Variants in MACF1 observed in about 807,000 individuals in gnomAD.
The protein encoded by MACF1 is microtubule actin crosslinking factor 1, also known as microtubule-actin cross-linking factor 1.
A neutral mutation model predicts 854.8 loss-of-function variants in MACF1; 193 were observed. The ratio of observed to expected loss-of-function variants is 0.23; its 90% CI spans 0.20 to 0.25. The LOEUF (loss-of-function observed/expected upper bound fraction) is 0.25, where lower values mean the gene tolerates loss of function less well. Among genes scored for constraint, MACF1 ranks in the 10% least tolerant of loss-of-function variants. The pLI, the probability that MACF1 is intolerant of heterozygous loss-of-function variation, is 1.00. For synonymous variants in MACF1, 3,185 were observed against 3,226.7 expected (o/e 0.99, Z 0.44); for missense variants, 7,722 against 8,929.1 (o/e 0.86, Z 5.45).
chr1:39,111,294 C>T (rs1642396659), intron 2 of MACF1, among the ~76,000 whole-genome samples: 1 of 152,176 alleles, frequency 6.6e-6, no homozygotes, highest in Non-Finnish European at 1.5e-5. Flanking sequence ...CCCCCGGGCT[C>T]ACATGATCCT....
At chr1:39,137,493 G>A (rs1035393532) in intron 2 of MACF1, among the ~76,000 whole-genome samples, 2 of 152,142 alleles carry the variant, frequency 1.3e-5, no homozygotes, top group Non-Finnish European at 2.9e-5. Context: ...AGTTTCTCAA[G>A]TATCTGAGAC....
rs540569223 is a variant in MACF1 at position 39,403,056 on chromosome 1, G to T, written c.15816+14398G>T. 8.7e-5 allele frequency among the ~76,000 whole-genome samples: 13 copies of T among 148,940 alleles called. 1 individual carries two copies. The highest frequency in any genetic ancestry group is 2.0e-4 in the Admixed American group (3 of 15,042). ...TCTCTCTCTTTTGTTTTTTTTGTTT[G>T]GTTTGGTTTTTTTTTTGTTTGGTTG... On this transcript the variant is annotated intron_variant, in intron 58 of 100. Coordinates refer to ENST00000564288, the MANE Select transcript of MACF1 (RefSeq NM_001394062.1).
intron 99 of MACF1, 35 bp from the exon 100 acceptor site, chr1:39,484,566 A>C: frequency 6.3e-7 from 1 of 1,585,968 alleles, no homozygotes; most frequent in Non-Finnish European, 8.6e-7. Context: ...AGATTTTACC[A>C]AGTAAAATGT....
intron 42 of MACF1, 34 bp from the exon 43 acceptor site, chr1:39,350,751 G>A (rs775419320): frequency 2.2e-5 from 34 of 1,533,670 alleles, no homozygotes; most frequent in Admixed American, 1.2e-4. Flanking sequence ...CACTAAAGTC[G>A]AAGGCTCTGC....
chr1:39,226,703 G>A (rs767976096), intron 1 of MACF1, among the ~76,000 whole-genome samples: 1 of 152,182 alleles, frequency 6.6e-6, no homozygotes, highest in Non-Finnish European at 1.5e-5. Flanking sequence ...AAATGAGGCA[G>A]TGGACTAAAA....
chr1:39,347,531 A>G (rs1236805225), intron 41 of MACF1, among the ~76,000 whole-genome samples: 1 of 152,114 alleles, frequency 6.6e-6, no homozygotes, highest in Non-Finnish European at 1.5e-5. Flanking sequence ...TCATGTATCT[A>G]GTCCTTTCCC....
At chr1:39,291,537 A>C (rs1419847501) in intron 15 of MACF1, among the ~76,000 whole-genome samples, 1 of 152,234 alleles carries the variant, frequency 6.6e-6, no homozygotes, top group Non-Finnish European at 1.5e-5. Context: ...ATATTTTCAG[A>C]TACTTCTTTG....
intron 2 of MACF1, among the ~76,000 whole-genome samples, chr1:39,134,323 G>A (rs1557474583): frequency 2.0e-5 from 3 of 151,940 alleles, no homozygotes; most frequent in Admixed American, 6.6e-5. Flanking sequence ...TGGGATTACA[G>A]GCATGAGCTA....
chr1:39,129,374 A>C (rs75346237), intron 2 of MACF1, among the ~76,000 whole-genome samples: 12 of 152,312 alleles, frequency 7.9e-5, no homozygotes, highest in Non-Finnish European at 1.6e-4. Context: ...TAAATATTAA[A>C]GGCTGGCGTA....
chr1:39,162,875 A>G (rs1409435548), intron 2 of MACF1, among the ~76,000 whole-genome samples: 1 of 152,184 alleles, frequency 6.6e-6, no homozygotes, highest in Non-Finnish European at 1.5e-5. Context: ...CCTGGCACAT[A>G]GTAAGCATAA....
rs374530248 is a variant in MACF1 at position 39,388,265 on chromosome 1, G to A, written c.15423G>A (p.Glu5141=). ...CTCAATTGGCAGACCTGGATGATGA[G>A]CTAGATGGCATGGGTGCTATTGGCA... The part of the protein sequence containing the change: ...MFSQLADLDD[E]LDGMGAIGRD... The change falls in exon 58 of 101, where the codon GAG becomes GAA. Residue 5141 remains glutamate (E), a synonymous_variant. Coordinates refer to ENST00000564288, the MANE Select transcript of MACF1 (RefSeq NM_001394062.1). 5.6e-6 allele frequency: 9 copies of A among 1,614,082 alleles called. No homozygotes were observed. The African/African-American group carries it at 1.1e-4, about 19-fold the overall frequency.
chr1:39,126,803 CAAAA>C (rs1445527583), intron 2 of MACF1, among the ~76,000 whole-genome samples: 1 of 151,666 alleles, frequency 6.6e-6, no homozygotes, highest in African/African-American at 2.4e-5. Flanking sequence ...AAAAACCACA[CAAAA>C]AACAAACAAA....
At chr1:39,124,066 T>G (rs1201841228) in intron 2 of MACF1, among the ~76,000 whole-genome samples, 1 of 150,474 alleles carries the variant, frequency 6.6e-6, no homozygotes, top group South Asian at 2.1e-4. Flanking sequence ...TTTTTTTTTT[T>G]GTAGAGATGG....
intron 57 of MACF1, 119 bp downstream of exon 57, chr1:39,386,048 G>T (rs1001187645): frequency 2.6e-6 from 3 of 1,147,890 alleles, no homozygotes; most frequent in African/African-American, 3.1e-5. Flanking sequence ...ACTCAGAATG[G>T]TGTTAAACCA....
intron 2 of MACF1, among the ~76,000 whole-genome samples, chr1:39,234,521 A>G (rs369434263): frequency 0.013 from 1,275 of 95,526 alleles, 32 homozygotes; most frequent in South Asian, 0.029. Context: ...CACCTCCCGG[A>G]CGGGGCGGCT....
intron 28 of MACF1, 68 bp from the exon 29 acceptor site, chr1:39,317,146 C>G: frequency 1.3e-6 from 2 of 1,481,558 alleles, no homozygotes; most frequent in South Asian, 2.5e-5. Context: ...TCCTTGTTTC[C>G]CACCTTAGAC....
intron 23 of MACF1, among the ~76,000 whole-genome samples, chr1:39,306,869 T>A (rs1484327879): frequency 1.3e-5 from 2 of 148,434 alleles, no homozygotes; most frequent in African/African-American, 5.0e-5. Flanking sequence ...AAATTATTAT[T>A]ATTATTATTA....
rs752663674 is a variant in MACF1 at position 39,385,667 on chromosome 1, C to G, written c.14082C>G (p.Asp4694Glu). Reference protein sequence around the residue: ...KSTQYQELLQDLSEKVRAVGQ... With the variant: ...KSTQYQELLQELSEKVRAVGQ... ...CCCAGTACCAGGAACTGCTCCAGGA[C>G]TTATCAGAGAAGGTGAGGGCAGTTG... The change falls in exon 57 of 101, where the codon GAC becomes GAG. Residue 4694 changes from aspartate to glutamate, a missense_variant. Physicochemically the swap from Asp to Glu is conservative, Grantham distance 45. Around this residue, in one of 15 missense-constraint regions of MACF1, gnomAD observed 2,807 missense variants for 3,235.8 expected, o/e 0.87. Coordinates refer to ENST00000564288, the MANE Select transcript of MACF1 (RefSeq NM_001394062.1). The G allele has an allele frequency of 1.2e-6, 2 of 1,614,028 alleles. No homozygotes were observed. Among genetic ancestry groups the G allele is most frequent in the African/African-American group, 1.3e-5 (1 of 74,908 alleles).
In MACF1 at chr1:39,424,017, C is replaced by G; in HGVS notation, c.16150-11C>G. On this transcript the variant is annotated splice_polypyrimidine_tract_variant and intron_variant, in intron 60 of 100. Coordinates refer to ENST00000564288, the MANE Select transcript of MACF1 (RefSeq NM_001394062.1). The stretch of plus-strand genomic sequence containing the variant: ...ATCCTGTGTTACAGCTTTTCATTCT[C>G]TTTATAATAGTTGCTCCAGCGGCTC... The G allele has an allele frequency of 3.1e-6, 5 of 1,605,102 alleles. No homozygotes were observed. The highest frequency in any genetic ancestry group is 1.7e-4 in the Middle Eastern group (1 of 6,020).
Sources: allele counts gnomAD v4.1 joint callset (sites outside exome capture counted in the v4.1 genomes callset), GRCh38; gene constraint gnomAD v4.1.1; regional missense constraint gnomAD v4.1.1; transcripts MANE v1.5; gene names NCBI Gene and HGNC (gene_info 2026-07-23, HGNC 2026-07-21).